The following PKHD1 variants were observed in gnomAD, a reference collection of about 807,000 sequenced individuals.
PKHD1 encodes the protein PKHD1 ciliary IPT domain containing fibrocystin/polyductin, also known as fibrocystin.
A neutral mutation model predicts 412.0 loss-of-function variants in PKHD1; 291 were observed. The observed-to-expected ratio is 0.71, with a 90% CI of 0.64 to 0.78. The LOEUF is 0.78. PKHD1 is among the 30% of genes least tolerant of loss of function. The pLI is 0.00. For missense variants in PKHD1, 4,825 were observed against 4,950.7 expected (o/e 0.97, Z 0.76); for synonymous variants, 1,777 against 1,821.5 (o/e 0.98, Z 0.62).
intron 10 of PKHD1, 64 bp from the exon 11 acceptor site, chr6:52,069,591 C>T (rs761747736): frequency 4.5e-5 from 56 of 1,241,836 alleles, no homozygotes; most frequent in African/African-American, 1.2e-4. Flanking sequence ...TTTTTTTAGT[C>T]GGCTGCCTGA....
rs1050733121 is a variant in PKHD1, at chr6:51,830,847, G to T, written c.8302+14C>A. The T allele has an allele frequency of 6.2e-6, 10 of 1,610,830 alleles. No homozygotes were observed. Among genetic ancestry groups the T allele is most frequent in the Non-Finnish European group, 6.8e-6 (8 of 1,177,404 alleles). On this transcript the variant is annotated intron_variant, in intron 52 of 66. Transcript: ENST00000371117. ...AGCCTGTCTGTGATTCATCTCTTGG[G>T]TAGTTTTACTCACTGGGTAAAATGA...
intron 49 of PKHD1, among the ~76,000 whole-genome samples, chr6:51,853,118 T>G (rs1772613860): frequency 6.6e-6 from 1 of 152,206 alleles, no homozygotes; most frequent in Non-Finnish European, 1.5e-5. Context: ...ACGAAATCCC[T>G]CAGGATTTGC....
intron 55 of PKHD1, among the ~76,000 whole-genome samples, chr6:51,771,213 CACACACACACAT>C (rs1790059079): frequency 6.6e-6 from 1 of 151,564 alleles, no homozygotes; most frequent in Non-Finnish European, 1.5e-5. Flanking sequence ...CACACACACA[CACACACACACAT>C]GCACATAACC....
chr6:51,976,998 A>G (rs1432503081), intron 35 of PKHD1, among the ~76,000 whole-genome samples: 2 of 151,684 alleles, frequency 1.3e-5, no homozygotes, highest in African/African-American at 4.9e-5. Context: ...ATTTGATAAA[A>G]TCAATATTCT....
At chr6:51,654,365 A>G (rs764810659) in intron 61 of PKHD1, among the ~76,000 whole-genome samples, 1 of 152,090 alleles carries the variant, frequency 6.6e-6, no homozygotes, top group Non-Finnish European at 1.5e-5. Context: ...GTTGTTTTTC[A>G]TATCCATTAA....
At chr6:51,654,434 C>T (rs1051599665) in intron 61 of PKHD1, among the ~76,000 whole-genome samples, 2 of 151,918 alleles carry the variant, frequency 1.3e-5, no homozygotes, top group African/African-American at 2.4e-5. Context: ...AATAGCTGTT[C>T]GGTTAACACT....
rs138653347 is a variant in PKHD1 at position 51,740,272 on chromosome 6, T to C, written c.10156+4113A>G. On this transcript the variant is annotated intron_variant, in intron 60 of 66. Transcript: ENST00000371117. Reference sequence around the variant, plus strand: ...GATAGCAAAACCCACTGGCAGAGTGTTCCTCAGAGCTGATCCACATGGATG... The same window carrying C: ...GATAGCAAAACCCACTGGCAGAGTGCTCCTCAGAGCTGATCCACATGGATG... 9.3e-4 allele frequency among the ~76,000 whole-genome samples: 142 copies of C among 152,352 alleles called. 1 individual carries two copies. The highest frequency in any genetic ancestry group is 3.4e-3 in the Middle Eastern group (1 of 294).
chr6:52,000,362 G>A (rs993350935), intron 35 of PKHD1, among the ~76,000 whole-genome samples: 6 of 152,038 alleles, frequency 3.9e-5, no homozygotes, highest in African/African-American at 1.5e-4. Context: ...TAGCAAGCAG[G>A]CCTCTCTGCA....
intron 52 of PKHD1, among the ~76,000 whole-genome samples, chr6:51,795,800 T>C (rs1235966888): frequency 6.6e-6 from 1 of 152,212 alleles, no homozygotes; most frequent in Non-Finnish European, 1.5e-5. Context: ...GGTCTTTAGT[T>C]CTGTTTGTGT....
chr6:51,638,987 G>C (rs370080706), intron 63 of PKHD1, 31 bp from the exon 64 acceptor site: 1 of 1,407,992 alleles, frequency 7.1e-7, no homozygotes, highest in Non-Finnish European at 1.0e-6. Flanking sequence ...AAAATTAGCT[G>C]TTTATTATCT....
chr6:51,752,766 A>G (rs1786310153), intron 57 of PKHD1, among the ~76,000 whole-genome samples: 1 of 152,196 alleles, frequency 6.6e-6, no homozygotes, highest in South Asian at 2.1e-4. Context: ...GATTGAACTG[A>G]TCCTTAAAGC....
At position 51,939,466 on chromosome 6, in the gene PKHD1, C is replaced by T. The variant is rs908865811; in HGVS notation, c.5909-5144G>A. On this transcript the variant is annotated intron_variant, in intron 36 of 66. Coordinates refer to ENST00000371117, the MANE Select transcript of PKHD1 (RefSeq NM_138694.4). The stretch of plus-strand genomic sequence containing the variant: ...TCCTGTGTTCTCAAGAACTTAAAAC[C>T]TCTTCAACTCACACCTGACCTAAAC... Among the ~76,000 whole-genome samples, 8 of 151,396 alleles carry T rather than the reference C, an allele frequency of 5.3e-5. 1 individual carries two copies. The highest frequency in any genetic ancestry group is 1.0e-4 in the Non-Finnish European group (7 of 67,694).
At chr6:51,949,227 T>A (rs1789930852) in intron 36 of PKHD1, among the ~76,000 whole-genome samples, 1 of 152,218 alleles carries the variant, frequency 6.6e-6, no homozygotes, top group Admixed American at 6.5e-5. Flanking sequence ...TCTTAAAAAA[T>A]TTAGCAGCCT....
At position 52,056,768 on chromosome 6, in the gene PKHD1, C is replaced by T. The variant is rs1263134114; in HGVS notation, c.1623G>A (p.Glu541=). The T allele has an allele frequency of 1.2e-6, 2 of 1,612,844 alleles. No individual in the cohort carries two copies. Among genetic ancestry groups the T allele is most frequent in the South Asian group, 1.1e-5 (1 of 91,054 alleles). ...TAHLIQTTIE[E]LLAVKCKLEP... is the part of the protein sequence containing the mutation. ...CCAGTTTGCATTTTACTGCAAGTAA[C>T]TCCTCAATGGTTGTTTGAATCTATT... The change falls in exon 18 of 67, where the codon GAG becomes GAA. Residue 541 remains glutamate (E), a synonymous_variant. Coordinates refer to ENST00000371117, the MANE Select transcript of PKHD1 (RefSeq NM_138694.4).
intron 60 of PKHD1, among the ~76,000 whole-genome samples, chr6:51,679,065 G>C (rs1000202404): frequency 6.6e-6 from 1 of 152,050 alleles, no homozygotes; most frequent in Admixed American, 6.6e-5. Context: ...GCTCTGAGCT[G>C]TGGCTATAAT....
rs1346745493 is a variant in PKHD1 at position 52,065,034 on chromosome 6, A to G, written c.897T>C (p.Ile299=). ...QVTIAGIPCD[I]RHVSPRKIEC... is the part of the protein sequence containing the mutation. ...CAATCTTCCTGGGAGACACGTGTCTAATATCACATGGAATGCCTAAAGCGA... is the reference window on the plus strand; with the variant it reads ...CAATCTTCCTGGGAGACACGTGTCTGATATCACATGGAATGCCTAAAGCGA... The change falls in exon 13 of 67, where the codon ATT becomes ATC. Residue 299 remains isoleucine (I), a synonymous_variant. Transcript: ENST00000371117. The G allele has an allele frequency of 1.3e-6, 2 of 1,592,000 alleles. No homozygotes were observed. The highest frequency in any genetic ancestry group is 2.2e-5 in the South Asian group (2 of 90,508).
Position 51,871,711 on chromosome 6 carries a change from G to A in PKHD1, c.7351-1072C>T, listed in dbSNP as rs1776008961. ...CTTTAACAAAAAGTCTGAAAAGAAA[G>A]AAACAATAAGTGTTTTCATGATTTT... On this transcript the variant is annotated intron_variant, in intron 46 of 66. Coordinates refer to ENST00000371117, the MANE Select transcript of PKHD1 (RefSeq NM_138694.4). Among the ~76,000 whole-genome samples the A allele has an allele frequency of 2.5e-5, 3 of 118,854 alleles. 1 individual carries two copies. Among genetic ancestry groups the A allele is most frequent in the Non-Finnish European group, 4.2e-5 (2 of 47,884 alleles). 78.0% of individuals were successfully genotyped at this position (118,854 alleles called of 152,430 possible). A position where few individuals can be genotyped will look rare whatever the true frequency, so the allele number is the denominator to read the frequency against.
chr6:52,035,240 T>A (rs773296952), intron 28 of PKHD1, among the ~76,000 whole-genome samples: 2 of 152,252 alleles, frequency 1.3e-5, no homozygotes, highest in Admixed American at 1.3e-4. Flanking sequence ...ATTTGTTGTT[T>A]GCTTAATAGA....
intron 60 of PKHD1, among the ~76,000 whole-genome samples, chr6:51,710,088 T>C (rs1475089717): frequency 6.6e-6 from 1 of 152,068 alleles, no homozygotes; most frequent in Non-Finnish European, 1.5e-5. Context: ...CGGCTGCCTG[T>C]AATCCCAGCT....
Sources: gnomAD v4.1 joint callset for allele counts (sites outside exome capture counted in the v4.1 genomes callset) on GRCh38, gnomAD v4.1.1 for gene constraint, MANE v1.5 for transcripts, NCBI Gene and HGNC (gene_info 2026-07-23, HGNC 2026-07-21) for gene names.